Variants in ESCO2 observed in about 807,000 individuals in gnomAD.
The protein encoded by ESCO2 is N-acetyltransferase ESCO2.
In ESCO2, 51 loss-of-function variants were observed where a neutral mutation model predicts 61.7. The ratio of observed to expected loss-of-function variants is 0.83; its 90% CI spans 0.66 to 1.04. ESCO2 has a LOEUF of 1.04. ESCO2 is among the 50% of genes least tolerant of loss of function. ESCO2 has a pLI of 0.00. For synonymous variants in ESCO2, 230 were observed against 238.2 expected (o/e 0.97, Z 0.32); for missense variants, 692 against 686.2 (o/e 1.01, Z -0.09).
chr8:27,813,919 T>C (rs551125647), downstream of ESCO2, among the ~76,000 whole-genome samples: 98 of 148,528 alleles, frequency 6.6e-4, 1 homozygote, highest in Non-Finnish European at 1.3e-3. Context: ...TTTTTTCTTA[T>C]CAGTTTATTT....
chr8:27,801,243 C>T lies in ESCO2; in HGVS notation c.1673+1527C>T, dbSNP rs149690151. 1.9e-4 allele frequency among the ~76,000 whole-genome samples: 29 copies of T among 152,304 alleles called. No individual in the cohort carries two copies. The East Asian group carries it at 5.4e-3, about 28-fold the overall frequency. On this transcript the variant is annotated intron_variant, in intron 10 of 10. Transcript: ENST00000305188. ...TAATCTAGGTTATATGGATGAGTTT[C>T]ACAACACTTGCTCTCTCAATTTCTA... is the stretch of plus-strand genomic sequence containing the variant.
upstream of ESCO2, chr8:27,773,631 C>T (rs1407161320): frequency 6.6e-6 from 1 of 151,912 alleles, no homozygotes; most frequent in Non-Finnish European, 1.5e-5. Context: ...CGTCACTTAA[C>T]GAAATTTATT....
downstream of ESCO2, chr8:27,812,389 C>T (rs1805705701): frequency 6.6e-6 from 1 of 152,056 alleles, no homozygotes; most frequent in African/African-American, 2.4e-5. Context: ...AAAACCTAGG[C>T]AATACCATTC....
At chr8:27,773,864 C>A (rs1486095985), upstream of ESCO2, 1 of 152,168 alleles carries the variant, frequency 6.6e-6, no homozygotes, top group Non-Finnish European at 1.5e-5. Flanking sequence ...GTTTTAGGAA[C>A]TTTCTGGTTT....
chr8:27,789,257 T>A (rs1267694104), intron 7 of ESCO2, among the ~76,000 whole-genome samples: 1 of 152,150 alleles, frequency 6.6e-6, no homozygotes, highest in Non-Finnish European at 1.5e-5. Flanking sequence ...TCCCATGACT[T>A]CTCCAGGTTT....
intron 5 of ESCO2, among the ~76,000 whole-genome samples, chr8:27,785,425 G>T (rs1805017517): frequency 6.6e-6 from 1 of 152,194 alleles, no homozygotes; most frequent in Admixed American, 6.5e-5. Flanking sequence ...AGACAGGCCA[G>T]GCGCAGTGGC....
At chr8:27,786,685 C>G (rs915945703) in intron 5 of ESCO2, among the ~76,000 whole-genome samples, 4 of 151,748 alleles carry the variant, frequency 2.6e-5, no homozygotes, top group African/African-American at 9.7e-5. Flanking sequence ...AAATGTATTT[C>G]TTAGCATAGA....
chr8:27,810,960 T>C (rs116080983), downstream of ESCO2: 31 of 1,495,620 alleles, frequency 2.1e-5, no homozygotes, highest in East Asian at 4.8e-4. Context: ...ATTCATACCT[T>C]CATCATCATC....
At chr8:27,818,049 A>G in the ESCO2 span, among the ~76,000 whole-genome samples, 23,949 of 152,126 alleles carry the variant, frequency 0.16, 2,396 homozygotes, top group East Asian at 0.36. Context: ...TACCACTCCA[A>G]TGCTTTTTCA....
At chr8:27,792,393 A>G (rs1805197146) in intron 8 of ESCO2, among the ~76,000 whole-genome samples, 1 of 152,206 alleles carries the variant, frequency 6.6e-6, no homozygotes, top group Non-Finnish European at 1.5e-5. Flanking sequence ...GAATAAAGCT[A>G]AAACAAATCT....
chr8:27,797,956 C>G (rs1375651189), intron 9 of ESCO2, among the ~76,000 whole-genome samples: 1 of 152,164 alleles, frequency 6.6e-6, no homozygotes, highest in African/African-American at 2.4e-5. Flanking sequence ...AGCTAACTAA[C>G]TGTTCTCTTC....
downstream of ESCO2, among the ~76,000 whole-genome samples, chr8:27,805,680 G>T (rs796944015): frequency 7.2e-5 from 11 of 152,116 alleles, no homozygotes; most frequent in African/African-American, 2.7e-4. Flanking sequence ...GTACAAACAC[G>T]GCTCACTGCA....
downstream of ESCO2, among the ~76,000 whole-genome samples, chr8:27,816,489 G>T (rs1425153029): frequency 6.6e-6 from 1 of 151,270 alleles, no homozygotes; most frequent in Non-Finnish European, 1.5e-5. Context: ...CCATTCCCCT[G>T]CCTCAGCCTC....
At chr8:27,778,991 CTGCAACCTCCGCCTCCCAG>C (rs1804863786) in intron 3 of ESCO2, 1 of 152,394 alleles carries the variant, frequency 6.6e-6, no homozygotes, top group African/African-American at 2.4e-5. Context: ...TCTCAACTCA[CTGCAACCTCCGCCTCCCAG>C]GTTCAAGCAA....
At chr8:27,778,010 G>A (rs962968607) in intron 3 of ESCO2, 1 of 152,118 alleles carries the variant, frequency 6.6e-6, no homozygotes, top group Non-Finnish European at 1.5e-5. Flanking sequence ...TAAATTGGTG[G>A]CCAGTAAACC....
chr8:27,787,771 A>T, intron 5 of ESCO2, 114 bp from the exon 6 acceptor site: 1 of 763,826 alleles, frequency 1.3e-6, no homozygotes, highest in Non-Finnish European at 2.3e-6. Context: ...TCATCAAGTT[A>T]ATGTCAGATA....
downstream of ESCO2, among the ~76,000 whole-genome samples, chr8:27,809,396 G>A (rs1805624545): frequency 6.6e-6 from 1 of 151,970 alleles, no homozygotes; most frequent in African/African-American, 2.4e-5. Context: ...GCCCTGTGTC[G>A]GTAATTTTTA....
rs1805069488 is a variant in ESCO2 at position 27,787,361 on chromosome 8, TG to T, written c.1014-523del. ...TTTTTCCTTAAGAATTTCACAGTAGTGAGATGCTGCTTTTGGTATGAGGAAA... is the reference window on the plus strand; with the variant it reads ...TTTTTCCTTAAGAATTTCACAGTAGTAGATGCTGCTTTTGGTATGAGGAAA... On this transcript the variant is annotated intron_variant, in intron 5 of 10. Coordinates refer to ENST00000305188, the MANE Select transcript of ESCO2 (RefSeq NM_001017420.3). Among the ~76,000 whole-genome samples, 3 of 151,746 alleles carry T rather than the reference TG, an allele frequency of 2.0e-5. No homozygotes were observed. The South Asian group carries it at 6.2e-4, about 32-fold the overall frequency.
downstream of ESCO2, among the ~76,000 whole-genome samples, chr8:27,814,498 T>C (rs897628345): frequency 2.0e-5 from 3 of 152,148 alleles, no homozygotes; most frequent in Non-Finnish European, 4.4e-5. Flanking sequence ...TAATATTTTA[T>C]AGTATTTGTT....
Sources: gnomAD v4.1 joint callset for allele counts (sites outside exome capture counted in the v4.1 genomes callset) on GRCh38, gnomAD v4.1.1 for gene constraint, MANE v1.5 for transcripts, NCBI Gene and HGNC (gene_info 2026-07-23, HGNC 2026-07-21) for gene names.